Variants in EIF4E observed in about 807,000 individuals in gnomAD.
EIF4E encodes the protein eIF-4F 25 kDa subunit.
For synonymous variants in EIF4E, 71 were observed against 88.5 expected (o/e 0.80, Z 1.11); for missense variants, 113 against 265.6 (o/e 0.43, Z 3.99).
rs972402740 is a variant in EIF4E at position 98,902,878 on chromosome 4, C to CA, written c.19-897dup. 1.3e-4 allele frequency among the ~76,000 whole-genome samples: 20 copies of CA among 152,144 alleles called. No homozygotes were observed. The East Asian group carries it at 3.3e-3, about 25-fold the overall frequency. ...ACAAAACAAAACAACATTATGATGA[C>CA]AAAAAAGCTTTGTAAAGTGATCAAG... is the stretch of plus-strand genomic sequence containing the variant. On this transcript the variant is annotated intron_variant, in intron 1 of 6. Coordinates refer to ENST00000450253, the MANE Select transcript of EIF4E (RefSeq NM_001968.5).
At chr4:98,885,419 T>C (rs1723874287) in intron 5 of EIF4E, among the ~76,000 whole-genome samples, 2 of 152,190 alleles carry the variant, frequency 1.3e-5, no homozygotes, top group African/African-American at 4.8e-5. Flanking sequence ...TTCTTATTTT[T>C]TATGAATATT....
At chr4:98,926,887 G>A (rs146250813) in intron 1 of EIF4E, among the ~76,000 whole-genome samples, 5 of 152,206 alleles carry the variant, frequency 3.3e-5, no homozygotes, top group East Asian at 1.9e-4. Flanking sequence ...TTGCAGTTCC[G>A]CTCTGTGCTG....
chr4:98,896,746 G>A (rs1261022258), intron 2 of EIF4E, among the ~76,000 whole-genome samples: 1 of 150,932 alleles, frequency 6.6e-6, no homozygotes, highest in African/African-American at 2.4e-5. Flanking sequence ...GCGAGGCCGA[G>A]GTGGATGAAT....
At chr4:98,905,873 C>CT (rs1724850658) in intron 1 of EIF4E, among the ~76,000 whole-genome samples, 1 of 152,118 alleles carries the variant, frequency 6.6e-6, no homozygotes, top group South Asian at 2.1e-4. Context: ...CTACATTCTG[C>CT]AAAAATTAGC....
intron 1 of EIF4E, among the ~76,000 whole-genome samples, chr4:98,923,375 G>A (rs1725734049): frequency 6.6e-6 from 1 of 151,786 alleles, no homozygotes; most frequent in Non-Finnish European, 1.5e-5. Context: ...GAATGCAGTG[G>A]TGTGATCACA....
At chr4:98,919,348 A>C (rs920186011) in intron 1 of EIF4E, among the ~76,000 whole-genome samples, 10 of 144,490 alleles carry the variant, frequency 6.9e-5, no homozygotes, top group Non-Finnish European at 1.4e-4. Context: ...AAAAAAAAAC[A>C]AAAAAAAACA....
intron 1 of EIF4E, among the ~76,000 whole-genome samples, chr4:98,917,083 AAC>A (rs751653561): frequency 0.054 from 5,518 of 102,892 alleles, 154 homozygotes; most frequent in Non-Finnish European, 0.068. Context: ...ACCTTTTCTA[AAC>A]ACACACACAC....
At chr4:98,885,873 A>G (rs991559478) in intron 5 of EIF4E, among the ~76,000 whole-genome samples, 1 of 152,138 alleles carries the variant, frequency 6.6e-6, no homozygotes, top group Non-Finnish European at 1.5e-5. Flanking sequence ...ACTACCATCC[A>G]TCTCCAGAAG....
At chr4:98,909,256 G>C (rs773592253) in intron 1 of EIF4E, among the ~76,000 whole-genome samples, 14 of 152,184 alleles carry the variant, frequency 9.2e-5, no homozygotes, top group Non-Finnish European at 2.1e-4. Flanking sequence ...ATACAGGTAA[G>C]TGTAAGTAAA....
chr4:98,906,439 CTGAA>C (rs1193423571), intron 1 of EIF4E, among the ~76,000 whole-genome samples: 5 of 152,176 alleles, frequency 3.3e-5, no homozygotes, highest in African/African-American at 1.2e-4. Context: ...TTTGTATCTG[CTGAA>C]ACTAATCAAA....
chr4:98,883,812 T>C (rs1723801798), intron 6 of EIF4E, among the ~76,000 whole-genome samples: 1 of 151,948 alleles, frequency 6.6e-6, no homozygotes, highest in Admixed American at 6.5e-5. Context: ...AAGGCTGAGG[T>C]GGCTTGATCA....
chr4:98,890,095 C>T (rs1724087141), intron 3 of EIF4E, among the ~76,000 whole-genome samples: 1 of 152,090 alleles, frequency 6.6e-6, no homozygotes, highest in South Asian at 2.1e-4. Flanking sequence ...TAATCGTATG[C>T]TTTGCTTTTT....
chr4:98,904,709 T>C (rs533404893), intron 1 of EIF4E, among the ~76,000 whole-genome samples: 1 of 152,280 alleles, frequency 6.6e-6, no homozygotes, highest in East Asian at 1.9e-4. Flanking sequence ...AGGCAGAGAT[T>C]GCAGTGAGCA....
At chr4:98,891,501 T>C in intron 2 of EIF4E, 169 bp from the exon 3 acceptor site, 1 of 636,682 alleles carries the variant, frequency 1.6e-6, no homozygotes, top group Non-Finnish European at 2.8e-6. Flanking sequence ...TGAAGGAAAT[T>C]CTAACACTTC....
intron 6 of EIF4E, 30 bp downstream of exon 6, chr4:98,884,892 T>C: frequency 1.2e-6 from 2 of 1,611,078 alleles, no homozygotes; most frequent in Non-Finnish European, 8.5e-7. Flanking sequence ...CTTAATACTG[T>C]AAAATAAGTA....
At chr4:98,896,787 G>A (rs995166224) in intron 2 of EIF4E, among the ~76,000 whole-genome samples, 1 of 151,398 alleles carries the variant, frequency 6.6e-6, no homozygotes, top group African/African-American at 2.4e-5. Context: ...AGGCCAGCCT[G>A]GGAAATAGCA....
chr4:98,889,918 T>C (rs970593783), intron 3 of EIF4E, among the ~76,000 whole-genome samples: 8 of 152,166 alleles, frequency 5.3e-5, no homozygotes, highest in African/African-American at 1.9e-4. Flanking sequence ...GATGTTTTGA[T>C]GATGGGCAAA....
rs1341411632 is a variant in EIF4E, at chr4:98,879,890, T to C, written c.*1138A>G. 1 of 152,178 alleles carries C rather than the reference T, an allele frequency of 6.6e-6. No individual in the cohort carries two copies. Among genetic ancestry groups the C allele is most frequent in the Admixed American group, 6.5e-5 (1 of 15,278 alleles). 9.4% of individuals were successfully genotyped at this position (152,178 alleles called of 1,614,324 possible). On this transcript the variant is annotated 3_prime_UTR_variant, in exon 7 of 7. Coordinates refer to ENST00000450253, the MANE Select transcript of EIF4E (RefSeq NM_001968.5). ...AATTCCATATATATGATACTACCTA[T>C]TCAATTTATTAAAAATTGTAATAAA...
chr4:98,917,133 C>CAAAA (rs756226013), intron 1 of EIF4E, among the ~76,000 whole-genome samples: 45 of 55,286 alleles, frequency 8.1e-4, no homozygotes, highest in East Asian at 4.3e-3. Flanking sequence ...CACACACACA[C>CAAAA]AAAAAAAACC....
Sources: gnomAD v4.1 joint callset for allele counts (sites outside exome capture counted in the v4.1 genomes callset) on GRCh38, gnomAD v4.1.1 for gene constraint, MANE v1.5 for transcripts, NCBI Gene and HGNC (gene_info 2026-07-23, HGNC 2026-07-21) for gene names.